Variants in RBPJ observed in about 807,000 individuals in gnomAD.
RBPJ encodes the protein recombining binding protein suppressor of hairless.
In RBPJ, 9 loss-of-function variants were observed where a neutral mutation model predicts 67.8. That is an observed-to-expected ratio of 0.13 (90% CI 0.08 to 0.23). The LOEUF (loss-of-function observed/expected upper bound fraction) is 0.23, where lower values mean the gene tolerates loss of function less well. Ranked by LOEUF, RBPJ falls within the 10% of genes least tolerant of loss-of-function variation. The pLI is 1.00. For synonymous variants in RBPJ, 198 were observed against 203.3 expected (o/e 0.97, Z 0.22); for missense variants, 305 against 595.6 (o/e 0.51, Z 5.08).
At chr4:26,165,596 T>C (rs1410965883) in intron 1 of RBPJ, among the ~76,000 whole-genome samples, 2 of 152,164 alleles carry the variant, frequency 1.3e-5, no homozygotes, top group African/African-American at 2.4e-5. Context: ...TTTTCTTCTA[T>C]TGGACATCGT....
chr4:26,281,285 T>C (rs1342263698), intron 1 of RBPJ, among the ~76,000 whole-genome samples: 2 of 152,174 alleles, frequency 1.3e-5, no homozygotes. Flanking sequence ...TGTTTGTTTG[T>C]TTGTTTTTTT....
chr4:26,152,659 T>A, the RBPJ span, among the ~76,000 whole-genome samples: 1 of 152,238 alleles, frequency 6.6e-6, no homozygotes, highest in Admixed American at 6.5e-5. Flanking sequence ...ACACAGCTTG[T>A]AAGGAGCAGA....
intron 1 of RBPJ, among the ~76,000 whole-genome samples, chr4:26,236,860 C>A (rs1719468983): frequency 6.6e-6 from 1 of 152,192 alleles, no homozygotes; most frequent in Admixed American, 6.5e-5. Context: ...GCTATTATTA[C>A]AATGGCCCTA....
At chr4:26,426,038 G>A (rs1262738076) in intron 7 of RBPJ, among the ~76,000 whole-genome samples, 1 of 152,008 alleles carries the variant, frequency 6.6e-6, no homozygotes, top group Admixed American at 6.6e-5. Flanking sequence ...AAGACATGAA[G>A]TATAGTAATA....
intron 1 of RBPJ, among the ~76,000 whole-genome samples, chr4:26,327,293 A>C (rs1053850417): frequency 6.6e-6 from 1 of 152,176 alleles, no homozygotes; most frequent in Non-Finnish European, 1.5e-5. Context: ...GTAATTACCT[A>C]TCCGTATAGA....
rs185027589 is a variant in RBPJ, at chr4:26,204,934, G to A, written c.-167+41320G>A. ...CTGCACTCATTTCACTGGAGACACC[G>A]GTCAGAAAACTGTGAGAATCTGGCA... On this transcript the variant is annotated intron_variant, in intron 1 of 4. Transcript: ENST00000512351. Among the ~76,000 whole-genome samples, 28 of 152,262 alleles carry A rather than the reference G, an allele frequency of 1.8e-4. No individual in the cohort carries two copies. In the East Asian group the frequency reaches 4.2e-3, roughly 23 times the overall value.
At chr4:26,381,417 C>T (rs1392915870) in intron 1 of RBPJ, among the ~76,000 whole-genome samples, 2 of 151,836 alleles carry the variant, frequency 1.3e-5, no homozygotes, top group Non-Finnish European at 1.5e-5. Flanking sequence ...CCATGTTTAA[C>T]GATAGATTGC....
At chr4:26,109,501 C>T in the RBPJ span, among the ~76,000 whole-genome samples, 11 of 49,198 alleles carry the variant, frequency 2.2e-4, no homozygotes, top group South Asian at 6.6e-4. Context: ...TACACACACA[C>T]ATATATATAT....
At chr4:26,346,771 C>T (rs1471819483) in intron 1 of RBPJ, among the ~76,000 whole-genome samples, 2 of 152,128 alleles carry the variant, frequency 1.3e-5, no homozygotes, top group East Asian at 3.9e-4. Context: ...GCGGGTGGAT[C>T]ACCTGAGGTC....
chr4:26,304,116 T>G (rs1246012496), intron 1 of RBPJ, among the ~76,000 whole-genome samples: 4 of 152,240 alleles, frequency 2.6e-5, no homozygotes, highest in Non-Finnish European at 4.4e-5. Flanking sequence ...TCCCACAAGA[T>G]CTTTCATGAT....
In RBPJ at chr4:26,287,695, G is replaced by A. The variant is rs898236632; in HGVS notation, c.-166-74751G>A. On this transcript the variant is annotated intron_variant, in intron 1 of 4. Coordinates refer to the RBPJ transcript ENST00000512351. ...AAAAGAAAGGAAAGGAAGGAAAGGA[G>A]GGAAGAAAAGAAAGAGAAAGAAAGA... 1.3e-4 allele frequency among the ~76,000 whole-genome samples: 12 copies of A among 93,008 alleles called. No individual in the cohort carries two copies. In the East Asian group the frequency reaches 3.2e-3, roughly 25 times the overall value. 61.0% of individuals were successfully genotyped at this position (93,008 alleles called of 152,430 possible). A position where few individuals can be genotyped will look rare whatever the true frequency, so the allele number is the denominator to read the frequency against.
At chr4:26,257,855 A>C (rs1166651727) in intron 1 of RBPJ, among the ~76,000 whole-genome samples, 1 of 152,252 alleles carries the variant, frequency 6.6e-6, no homozygotes, top group Non-Finnish European at 1.5e-5. Flanking sequence ...TCCTGGGGCC[A>C]TCTGTAACCC....
chr4:26,237,148 G>A (rs2109213121), intron 1 of RBPJ, among the ~76,000 whole-genome samples: 1 of 152,250 alleles, frequency 6.6e-6, no homozygotes, highest in African/African-American at 2.4e-5. Context: ...GCTCTGGGAA[G>A]CACCTGGAGA....
intron 1 of RBPJ, among the ~76,000 whole-genome samples, chr4:26,182,768 C>A (rs145036615): frequency 6.6e-6 from 1 of 151,992 alleles, no homozygotes; most frequent in African/African-American, 2.4e-5. Flanking sequence ...CAAAGTACTG[C>A]GATTACCGGT....
intron 1 of RBPJ, among the ~76,000 whole-genome samples, chr4:26,178,410 T>C (rs1022680476): frequency 3.9e-5 from 6 of 152,042 alleles, no homozygotes; most frequent in African/African-American, 1.4e-4. Flanking sequence ...CCAAGGTGAA[T>C]TGCTTGAAGC....
the RBPJ span, chr4:26,112,101 A>G: frequency 6.5e-6 from 1 of 153,192 alleles, no homozygotes; most frequent in Non-Finnish European, 1.5e-5. Flanking sequence ...CCACCCAGAA[A>G]GGAACTGGAA....
intron 1 of RBPJ, among the ~76,000 whole-genome samples, chr4:26,230,538 C>T (rs778827693): frequency 3.9e-5 from 6 of 152,174 alleles, no homozygotes; most frequent in Non-Finnish European, 5.9e-5. Context: ...TGTTTATGGA[C>T]ACGTAGTGAA....
chr4:26,177,662 G>A lies in RBPJ; in HGVS notation c.-167+14048G>A, dbSNP rs550481815. Among the ~76,000 whole-genome samples, 7 of 151,846 alleles carry A rather than the reference G, an allele frequency of 4.6e-5. No individual in the cohort carries two copies. In the East Asian group the frequency reaches 9.7e-4, roughly 21 times the overall value. On this transcript the variant is annotated intron_variant, in intron 1 of 4. Coordinates refer to the RBPJ transcript ENST00000512351. ...AAAGGAAGGAAGAAAGAAAGAAAGA[G>A]AAAAAATGTGAACCCCAATCCATCA...
At chr4:26,205,656 A>G (rs933105393) in intron 1 of RBPJ, among the ~76,000 whole-genome samples, 5 of 152,138 alleles carry the variant, frequency 3.3e-5, no homozygotes, top group African/African-American at 9.7e-5. Flanking sequence ...GCAGCGGTAC[A>G]GTCTCAGCTC....
Sources: allele counts gnomAD v4.1 joint callset (sites outside exome capture counted in the v4.1 genomes callset), GRCh38; gene constraint gnomAD v4.1.1; transcripts MANE v1.5; gene names NCBI Gene and HGNC (gene_info 2026-07-23, HGNC 2026-07-21).